AGBL4: variants seen among roughly 807,000 people sequenced by gnomAD.
AGBL4 encodes cytosolic carboxypeptidase 6.
A neutral mutation model predicts 66.4 loss-of-function variants in AGBL4; 58 were observed. The ratio of observed to expected loss-of-function variants is 0.87; its 90% CI spans 0.71 to 1.09. AGBL4 has a LOEUF of 1.09. Among genes scored for constraint, AGBL4 ranks in the 50% least tolerant of loss-of-function variants. The pLI, the probability that AGBL4 is intolerant of heterozygous loss-of-function variation, is 0.00. For missense variants in AGBL4, 579 were observed against 631.0 expected (o/e 0.92, Z 0.88); for synonymous variants, 234 against 222.9 (o/e 1.05, Z -0.44).
intron 4 of AGBL4, among the ~76,000 whole-genome samples, chr1:49,056,085 C>G (rs1194073244): frequency 6.6e-6 from 1 of 152,120 alleles, no homozygotes; most frequent in Non-Finnish European, 1.5e-5. Context: ...AATAGCTTCA[C>G]CATCTACATC....
chr1:49,602,056 T>C (rs1282359251), intron 3 of AGBL4, among the ~76,000 whole-genome samples: 1 of 152,176 alleles, frequency 6.6e-6, no homozygotes, highest in Non-Finnish European at 1.5e-5. Flanking sequence ...CAGACCCTTC[T>C]CAAAAGAAGA....
chr1:49,983,929 A>C (rs1392038614), intron 1 of AGBL4, among the ~76,000 whole-genome samples: 1 of 152,196 alleles, frequency 6.6e-6, no homozygotes, highest in East Asian at 1.9e-4. Context: ...ATGACGGGAC[A>C]GGTCCAATGT....
chr1:48,667,394 T>C (rs1298699660), intron 6 of AGBL4, among the ~76,000 whole-genome samples: 3 of 152,182 alleles, frequency 2.0e-5, no homozygotes, highest in Non-Finnish European at 4.4e-5. Context: ...AGTACCCAGA[T>C]AGCAGCCAGG....
intron 6 of AGBL4, among the ~76,000 whole-genome samples, chr1:48,663,857 C>T (rs779278517): frequency 1.4e-4 from 21 of 151,924 alleles, no homozygotes; most frequent in Non-Finnish European, 2.9e-4. Flanking sequence ...AGAAGTGAGG[C>T]TCATGGAGGT....
chr1:49,299,353 ATC>A (rs1422953231), intron 3 of AGBL4, among the ~76,000 whole-genome samples: 1 of 152,158 alleles, frequency 6.6e-6, no homozygotes, highest in Non-Finnish European at 1.5e-5. Flanking sequence ...TCAAAATAAG[ATC>A]TGATTACGTA....
downstream of AGBL4, among the ~76,000 whole-genome samples, chr1:48,528,155 G>T (rs764961866): frequency 2.0e-5 from 3 of 152,148 alleles, no homozygotes; most frequent in Non-Finnish European, 2.9e-5. Context: ...ATTAGCAAGC[G>T]GTGGAGCTGA....
intron 3 of AGBL4, among the ~76,000 whole-genome samples, chr1:49,523,016 C>A (rs144277661): frequency 2.2e-4 from 33 of 152,086 alleles, no homozygotes; most frequent in African/African-American, 7.9e-4. Context: ...ATGAGGAGGT[C>A]ACAGCACAGG....
intron 1 of AGBL4, among the ~76,000 whole-genome samples, chr1:49,917,001 G>C (rs1651595542): frequency 6.6e-6 from 1 of 152,056 alleles, no homozygotes; most frequent in African/African-American, 2.4e-5. Context: ...TAAAAGTGAA[G>C]GAGAAATAAA....
intron 3 of AGBL4, among the ~76,000 whole-genome samples, chr1:49,590,743 T>C (rs985592973): frequency 2.6e-5 from 4 of 152,184 alleles, no homozygotes; most frequent in Non-Finnish European, 4.4e-5. Context: ...CTCTGGAAAT[T>C]AGTGTTTCTA....
At chr1:49,997,004 T>C (rs1252524070) in intron 1 of AGBL4, among the ~76,000 whole-genome samples, 1 of 152,158 alleles carries the variant, frequency 6.6e-6, no homozygotes, top group Non-Finnish European at 1.5e-5. Context: ...TAATAAATGC[T>C]GAGAGGATTT....
intron 3 of AGBL4, among the ~76,000 whole-genome samples, chr1:49,464,577 A>G (rs1557965179): frequency 6.6e-6 from 1 of 151,784 alleles, no homozygotes; most frequent in Non-Finnish European, 1.5e-5. Flanking sequence ...CGACTTTAAC[A>G]TTGCATTAGT....
intron 5 of AGBL4, among the ~76,000 whole-genome samples, chr1:49,035,433 A>T (rs1022932082): frequency 1.3e-5 from 2 of 152,160 alleles, no homozygotes; most frequent in Admixed American, 1.3e-4. Context: ...CAAGAGGGTG[A>T]CTTGAAAGAC....
intron 2 of AGBL4, among the ~76,000 whole-genome samples, chr1:49,833,312 G>C (rs1322770623): frequency 2.7e-5 from 4 of 150,938 alleles, no homozygotes; most frequent in Non-Finnish European, 5.9e-5. Flanking sequence ...GTAGATATGC[G>C]GCGTTATTTC....
At chr1:48,579,704 A>T (rs1644708295) in intron 11 of AGBL4, among the ~76,000 whole-genome samples, 1 of 148,808 alleles carries the variant, frequency 6.7e-6, no homozygotes, top group Admixed American at 6.7e-5. Flanking sequence ...AGGTCAGGAG[A>T]TCGAGACCAT....
chr1:49,454,278 A>G (rs935923125), intron 3 of AGBL4, among the ~76,000 whole-genome samples: 1 of 151,794 alleles, frequency 6.6e-6, no homozygotes, highest in Non-Finnish European at 1.5e-5. Context: ...AATTGCACAG[A>G]TACTATTTAT....
At chr1:49,352,465 C>A (rs921290071) in intron 3 of AGBL4, among the ~76,000 whole-genome samples, 3 of 139,760 alleles carry the variant, frequency 2.1e-5, no homozygotes, top group Non-Finnish European at 4.5e-5. Context: ...CATGTGATGG[C>A]TGCTTAATCT....
At chr1:49,664,549 T>C (rs896760695) in intron 3 of AGBL4, among the ~76,000 whole-genome samples, 2 of 152,102 alleles carry the variant, frequency 1.3e-5, no homozygotes, top group Non-Finnish European at 2.9e-5. Flanking sequence ...TAATCTATTA[T>C]TACTAGTAAT....
At chr1:49,133,939 A>T (rs1386729310) in intron 4 of AGBL4, among the ~76,000 whole-genome samples, 1 of 152,020 alleles carries the variant, frequency 6.6e-6, no homozygotes. Context: ...ATATATATAT[A>T]TATGTATCGG....
intron 4 of AGBL4, among the ~76,000 whole-genome samples, chr1:49,122,726 A>G (rs1278284970): frequency 6.6e-6 from 1 of 152,210 alleles, no homozygotes; most frequent in Non-Finnish European, 1.5e-5. Context: ...GATTTTTCAA[A>G]TTGGCACAAT....
Sources: gnomAD v4.1 joint callset for allele counts (sites outside exome capture counted in the v4.1 genomes callset) on GRCh38, gnomAD v4.1.1 for gene constraint, MANE v1.5 for transcripts, NCBI Gene and HGNC (gene_info 2026-07-23, HGNC 2026-07-21) for gene names.